The following VPS35L variants were observed in gnomAD, a reference collection of about 807,000 sequenced individuals.
VPS35L encodes VPS35 endosomal protein-sorting factor-like.
VPS35L carries 83 observed loss-of-function variants against 133.0 expected under a neutral mutation model. The observed-to-expected ratio is 0.62, with a 90% CI of 0.52 to 0.75. VPS35L has a LOEUF of 0.75. Among genes scored for constraint, VPS35L ranks in the 30% least tolerant of loss-of-function variants. VPS35L has a pLI of 0.00. For missense variants in VPS35L, 1,083 were observed against 1,206.8 expected (o/e 0.90, Z 1.52); for synonymous variants, 423 against 449.9 (o/e 0.94, Z 0.76).
intron 18 of VPS35L, among the ~76,000 whole-genome samples, chr16:19,631,905 T>G (rs1303119188): frequency 6.6e-6 from 1 of 151,806 alleles, no homozygotes; most frequent in Non-Finnish European, 1.5e-5. Flanking sequence ...GGTTGCAGGG[T>G]TCACTTCCTT....
chr16:19,653,050 T>G (rs959030116), intron 26 of VPS35L, among the ~76,000 whole-genome samples: 8 of 152,210 alleles, frequency 5.3e-5, no homozygotes, highest in African/African-American at 1.9e-4. Context: ...CATTCCCATC[T>G]GGGAGGTGTT....
chr16:19,577,586 T>G (rs1971576547), intron 5 of VPS35L, among the ~76,000 whole-genome samples: 1 of 152,204 alleles, frequency 6.6e-6, no homozygotes, highest in Non-Finnish European at 1.5e-5. Context: ...GCATTTTTTA[T>G]TTTATTTGAA....
intron 12 of VPS35L, among the ~76,000 whole-genome samples, chr16:19,615,004 T>G (rs2053203909): frequency 6.6e-6 from 1 of 152,246 alleles, no homozygotes; most frequent in South Asian, 2.1e-4. Context: ...TATTAAAATT[T>G]ATGTCTGCTC....
intron 29 of VPS35L, among the ~76,000 whole-genome samples, chr16:19,697,055 G>C (rs1244820025): frequency 6.6e-6 from 1 of 152,230 alleles, no homozygotes; most frequent in Non-Finnish European, 1.5e-5. Context: ...AATGAAGGCA[G>C]AGCAGGTGGT....
intron 3 of VPS35L, among the ~76,000 whole-genome samples, chr16:19,570,889 A>ATT (rs1489865417): frequency 7.8e-4 from 72 of 91,828 alleles, no homozygotes; most frequent in Non-Finnish European, 1.2e-3. Flanking sequence ...ATATATATAT[A>ATT]TTTTTGAGAT....
chr16:19,680,444 GCAGC>G (rs895997688), intron 27 of VPS35L, among the ~76,000 whole-genome samples: 2 of 152,200 alleles, frequency 1.3e-5, no homozygotes. Flanking sequence ...AATACAGTGT[GCAGC>G]CAGCAGACCT....
intron 1 of VPS35L, among the ~76,000 whole-genome samples, chr16:19,558,732 C>T (rs961494138): frequency 8.6e-5 from 13 of 151,820 alleles, no homozygotes; most frequent in African/African-American, 2.7e-4. Context: ...ACCAGCCTGA[C>T]CAACATAGTG....
At chr16:19,628,781 A>ATTTG in intron 17 of VPS35L, 28 bp downstream of exon 17, 1 of 309,276 alleles carries the variant, frequency 3.2e-6, no homozygotes, top group Non-Finnish European at 4.2e-6. Context: ...TTTTATTTTT[A>ATTTG]TTTATTTATT....
chr16:19,604,170 T>C (rs1330395467), intron 9 of VPS35L, among the ~76,000 whole-genome samples: 1 of 151,746 alleles, frequency 6.6e-6, no homozygotes, highest in Non-Finnish European at 1.5e-5. Flanking sequence ...AAAAAATGAC[T>C]TTTGATACAG....
chr16:19,616,751 C>T lies in VPS35L; in HGVS notation c.1167C>T (p.Pro389=). The T allele has an allele frequency of 6.2e-7, 1 of 1,614,200 alleles. No homozygotes were observed. Among genetic ancestry groups the T allele is most frequent in the African/African-American group, 1.3e-5 (1 of 75,052 alleles). Residue 389 remains proline, a synonymous_variant, in exon 14 of 31, where the codon CCC becomes CCT. Transcript: ENST00000417362. ...VQGVELPSYL[P]LYPPAMDWIF... ...GAGTGGAGCTCCCATCTTACCTCCCCTTGTACCCGCCTGCCATGGACTGGA... is the reference window on the plus strand; with the variant it reads ...GAGTGGAGCTCCCATCTTACCTCCCTTTGTACCCGCCTGCCATGGACTGGA...
chr16:19,598,868 C>T (rs528196418), intron 8 of VPS35L, among the ~76,000 whole-genome samples: 2 of 152,002 alleles, frequency 1.3e-5, no homozygotes, highest in South Asian at 2.1e-4. Flanking sequence ...TGGCAACTTT[C>T]GTGTAGGAAA....
chr16:19,573,387 AT>A (rs1971442693), intron 4 of VPS35L, 146 bp downstream of exon 4: 9 of 895,290 alleles, frequency 1.0e-5, no homozygotes, highest in Non-Finnish European at 1.3e-5. Flanking sequence ...ATAAGGCTTC[AT>A]GTAGTATGTC....
At chr16:19,643,348 G>A (rs770220054) in intron 22 of VPS35L, among the ~76,000 whole-genome samples, 1 of 152,186 alleles carries the variant, frequency 6.6e-6, no homozygotes, top group Non-Finnish European at 1.5e-5. Flanking sequence ...TTTCTCTCTT[G>A]TTAAAATTGT....
chr16:19,617,671 G>T (rs556383176), intron 14 of VPS35L: 1 of 152,218 alleles, frequency 6.6e-6, no homozygotes, highest in Admixed American at 6.5e-5. Context: ...CTGAGAAGCA[G>T]TTTTAGTAGA....
Position 19,682,358 on chromosome 16 carries a change from G to T in VPS35L, c.2495G>T (p.Ser832Ile). 1 of 1,614,196 alleles carries T rather than the reference G, an allele frequency of 6.2e-7. No homozygotes were observed. Among genetic ancestry groups the T allele is most frequent in the African/African-American group, 1.3e-5 (1 of 75,050 alleles). ...TCVLHLLSAM[S>I]QETYLYHIDK... ...GTCCTGCATCTCCTCTCCGCCATGA[G>T]CCAGGAGACGTACCTTTACCACATA... is the stretch of plus-strand genomic sequence containing the variant. The change falls in exon 28 of 31, where the codon AGC becomes ATC. Residue 832 changes from serine to isoleucine, a missense_variant. Physicochemically the swap from Ser to Ile is moderately radical, Grantham distance 142 (BLOSUM62 -2). Transcript: ENST00000417362.
At chr16:19,698,525 A>C (rs931794805) in intron 29 of VPS35L, among the ~76,000 whole-genome samples, 1 of 152,134 alleles carries the variant, frequency 6.6e-6, no homozygotes, top group African/African-American at 2.4e-5. Context: ...GAATAACGGG[A>C]AGGAATGCTG....
At chr16:19,635,230 TC>T (rs2151572692) in intron 19 of VPS35L, among the ~76,000 whole-genome samples, 1 of 151,954 alleles carries the variant, frequency 6.6e-6, no homozygotes, top group East Asian at 1.9e-4. Context: ...TGCCTGTAGT[TC>T]CAGCTATTCA....
Position 19,699,282 on chromosome 16 carries a change from A to C in VPS35L, c.2647-220A>C. 1 of 508,956 alleles carries C rather than the reference A, an allele frequency of 2.0e-6. No homozygotes were observed. Among genetic ancestry groups the C allele is most frequent in the Non-Finnish European group, 3.5e-6 (1 of 282,770 alleles). The allele number at this position is 508,956 out of a possible 1,614,324, so 31.5% of individuals were successfully genotyped here. On this transcript the variant is annotated intron_variant, in intron 29 of 30. Coordinates refer to ENST00000417362, the MANE Select transcript of VPS35L (RefSeq NM_020314.7). This position sits in a 1 kb window ranked among gnomAD's most constrained non-coding sequence, Gnocchi z 4.2. ...TGTGGGCACAGAGCTTCGTCATCTT[A>C]CTGAATCCCCGCCCTTTGCAGGGGT...
intron 14 of VPS35L, among the ~76,000 whole-genome samples, chr16:19,625,538 T>G (rs553446643): frequency 3.3e-5 from 5 of 152,224 alleles, no homozygotes; most frequent in Non-Finnish European, 5.9e-5. Flanking sequence ...ATGATACCAC[T>G]TGTAGCCTTT....
Sources: allele counts gnomAD v4.1 joint callset (sites outside exome capture counted in the v4.1 genomes callset), GRCh38; gene constraint gnomAD v4.1.1; non-coding constraint Gnocchi (gnomAD v3.1); transcripts MANE v1.5; gene names NCBI Gene and HGNC (gene_info 2026-07-23, HGNC 2026-07-21).